The following OSBPL5 variants were observed in gnomAD, a reference collection of about 807,000 sequenced individuals.
OSBPL5 encodes the protein oxysterol-binding protein-related protein 5.
OSBPL5 carries 71 observed loss-of-function variants against 111.2 expected under a neutral mutation model. The ratio of observed to expected loss-of-function variants is 0.64; its 90% confidence interval spans 0.53 to 0.78. The LOEUF is 0.78. Among genes scored for constraint, OSBPL5 ranks in the 30% least tolerant of loss-of-function variants. The probability of loss-of-function intolerance (pLI) is 0.00; values close to 1 mark genes in which losing one functional copy is unlikely to be tolerated. For synonymous variants in OSBPL5, 549 were observed against 513.9 expected, an observed-to-expected ratio of 1.07 and a Z score of -0.93; for missense variants, 1,210 against 1,189.3, an observed-to-expected ratio of 1.02 and a Z score of -0.26.
Position 3,113,216 on chromosome 11 carries a change from G to A in OSBPL5, c.692-5271C>T, listed in dbSNP as rs1858068586. Among the ~76,000 whole-genome samples the A allele has an allele frequency of 6.6e-6, 1 of 152,162 alleles. No individual in the cohort carries two copies. The highest frequency in any genetic ancestry group is 1.5e-5 in the Non-Finnish European group (1 of 68,022). On this transcript the variant is annotated intron_variant, in intron 7 of 21. Transcript: ENST00000263650. This position sits in a 1 kb window ranked among gnomAD's most constrained non-coding sequence, Gnocchi z 4.8. ...AGCTAGCTTTAAAATTATTGGTAAAGTAATATTAGAAATGTCTTAAGAATT... is the reference window on the plus strand; with the variant it reads ...AGCTAGCTTTAAAATTATTGGTAAAATAATATTAGAAATGTCTTAAGAATT...
At chr11:3,094,454 G>GTCCCGACCCAGCAGCACC (rs1857181498) in intron 14 of OSBPL5, 120 bp from the exon 15 acceptor site, 1 of 717,410 alleles carries the variant, frequency 1.4e-6, no homozygotes, top group African/African-American at 2.3e-5. Flanking sequence ...CCGATCCCTG[G>GTCCCGACCCAGCAGCACC]GAGGCCTGTG....
At position 3,087,378 on chromosome 11, in the gene OSBPL5, C is replaced by T. The variant is rs1468764604; in HGVS notation, c.*827G>A. 6.5e-6 allele frequency: 1 copy of T among 154,744 alleles called. No homozygotes were observed. The highest frequency in any genetic ancestry group is 1.9e-4 in the East Asian group (1 of 5,184). 9.6% of individuals were successfully genotyped at this position (154,744 alleles called of 1,614,324 possible). A position where few individuals can be genotyped will look rare whatever the true frequency, so the allele number is the denominator to read the frequency against. On this transcript the variant is annotated 3_prime_UTR_variant, in exon 22 of 22. Transcript: ENST00000263650. ...GTGAAGGCTGACTGCAGCTCGCAGC[C>T]CACCTAAAATATTGCAATTATGTTT...
intron 19 of OSBPL5, among the ~76,000 whole-genome samples, chr11:3,091,574 T>C (rs1220585841): frequency 6.6e-6 from 1 of 151,576 alleles, no homozygotes; most frequent in Non-Finnish European, 1.5e-5. Context: ...GGAGCGGGAC[T>C]GCGAGGGTCT....
chr11:3,131,342 C>G (rs1564849503), intron 1 of OSBPL5, among the ~76,000 whole-genome samples: 1 of 149,516 alleles, frequency 6.7e-6, no homozygotes, highest in Non-Finnish European at 1.5e-5. Flanking sequence ...ATCTCCCTTC[C>G]AGGCATCCAT....
rs546384821 is a variant in OSBPL5, at chr11:3,162,857, T to A, written c.-22+2359A>T. ...GAGGACATCCAGGGCAGCATGCCTG[T>A]CCCTGTCGGGAGGCCAGTGGCCCTC... is the stretch of plus-strand genomic sequence containing the variant. On this transcript the variant is annotated intron_variant, in intron 1 of 21. Transcript: ENST00000263650. The surrounding 1 kb of genome is among the most constrained non-coding windows in gnomAD (Gnocchi z 8.1). Among the ~76,000 whole-genome samples the A allele has an allele frequency of 1.4e-4, 21 of 152,272 alleles. 2 individuals carry two copies. The South Asian group carries it at 2.5e-3, about 18-fold the overall frequency.
intron 7 of OSBPL5, among the ~76,000 whole-genome samples, chr11:3,114,830 T>C (rs977192179): frequency 6.6e-5 from 10 of 152,044 alleles, no homozygotes; most frequent in Non-Finnish European, 1.3e-4. Flanking sequence ...CTTGATCTCC[T>C]GACTTCGTGA....
Position 3,089,936 on chromosome 11 carries a change from G to T in OSBPL5, c.2411C>A (p.Pro804Gln), listed in dbSNP as rs770136127. 7 of 1,554,552 alleles carry T rather than the reference G, an allele frequency of 4.5e-6. No individual in the cohort carries two copies. The highest frequency in any genetic ancestry group is 2.4e-5 in the East Asian group (1 of 41,954). ...CGCCTCCTTCCTGCACCGAGGGCAT[G>T]GGCTCTCACCGCCTGGGACGGCCCC... ...DGDFVPGGES[P>Q]CPRCRKEARR... The change falls in exon 21 of 22, where the codon CCA becomes CAA. Residue 804 changes from proline to glutamine, a missense_variant. Pro to Gln is a moderately conservative substitution (Grantham distance 76). Transcript: ENST00000263650.
chr11:3,088,735 T>C (rs1856958163), intron 21 of OSBPL5, among the ~76,000 whole-genome samples: 1 of 152,128 alleles, frequency 6.6e-6, no homozygotes. Flanking sequence ...GGTATTTATT[T>C]AAATGGAGAC....
At position 3,093,631 on chromosome 11, in the gene OSBPL5, G is replaced by A. The variant is rs752302699; in HGVS notation, c.1842C>T (p.Ser614=). Reference sequence around the variant, plus strand: ...GGGTCCAGAAAAGCGCACTGCTTCCGCTCCCTTCCTCCTTGATAAACACGT... The same window carrying A: ...GGGTCCAGAAAAGCGCACTGCTTCCACTCCCTTCCTCCTTGATAAACACGT... ...DRDVFIKEEG[S]GSSALFWTPS... is the part of the protein sequence containing the mutation. The change falls in exon 17 of 22, where the codon AGC becomes AGT. Residue 614 remains serine (S), a synonymous_variant. Coordinates refer to ENST00000263650, the MANE Select transcript of OSBPL5 (RefSeq NM_020896.4). The A allele has an allele frequency of 1.4e-5, 23 of 1,612,962 alleles. No individual in the cohort carries two copies. The highest frequency in any genetic ancestry group is 2.7e-5 in the African/African-American group (2 of 74,944).
At chr11:3,159,204 A>T (rs1272623998) in intron 1 of OSBPL5, among the ~76,000 whole-genome samples, 1 of 152,016 alleles carries the variant, frequency 6.6e-6, no homozygotes, top group African/African-American at 2.4e-5. Flanking sequence ...TGCCCAGGAG[A>T]CAGGTATGTT....
intron 1 of OSBPL5, among the ~76,000 whole-genome samples, chr11:3,143,561 G>A (rs4758470): frequency 0.81 from 123,783 of 152,212 alleles, 50,789 homozygotes; most frequent in African/African-American, 0.89. Context: ...GCGACGACAC[G>A]GATGAGCCGC....
In OSBPL5 at chr11:3,105,648, C is replaced by T. The variant is rs1251777168; in HGVS notation, c.1060-1271G>A. 2.6e-5 allele frequency among the ~76,000 whole-genome samples: 4 copies of T among 152,112 alleles called. No homozygotes were observed. Among genetic ancestry groups the T allele is most frequent in the African/African-American group, 4.8e-5 (2 of 41,430 alleles). ...CTGCTTCTCATCCTGCCCCACCTCT[C>T]GGACCAGCTGGCTCTGAGACACCTG... On this transcript the variant is annotated intron_variant, in intron 9 of 21. Transcript: ENST00000263650. The surrounding 1 kb of genome is among the most constrained non-coding windows in gnomAD (Gnocchi z 5.2).
At chr11:3,148,670 G>T (rs1002649722) in intron 1 of OSBPL5, among the ~76,000 whole-genome samples, 5 of 152,154 alleles carry the variant, frequency 3.3e-5, no homozygotes, top group African/African-American at 1.2e-4. Context: ...TTCTCTTGAA[G>T]GCACAAACTG....
chr11:3,114,081 AATAAG>A (rs1374960462), intron 7 of OSBPL5, among the ~76,000 whole-genome samples: 1 of 152,224 alleles, frequency 6.6e-6, no homozygotes, highest in Non-Finnish European at 1.5e-5. Context: ...AGTTAGATTA[AATAAG>A]ATATTTCACT....
At chr11:3,131,701 T>TCCATCCATCCCTCCTC (rs1845793024) in intron 1 of OSBPL5, among the ~76,000 whole-genome samples, 1 of 113,270 alleles carries the variant, frequency 8.8e-6, no homozygotes, top group African/African-American at 3.8e-5. Flanking sequence ...CATTCATCTA[T>TCCATCCATCCCTCCTC]CCATCCATCC....
At chr11:3,119,985 T>C in intron 6 of OSBPL5, 2 of 418,332 alleles carry the variant, frequency 4.8e-6, no homozygotes, top group Non-Finnish European at 8.6e-6. Flanking sequence ...TTCCCATACA[T>C]GACTGGGGTC....
chr11:3,122,484 G>T, intron 3 of OSBPL5, 56 bp from the exon 4 acceptor site: 1 of 1,555,394 alleles, frequency 6.4e-7, no homozygotes, highest in Non-Finnish European at 8.8e-7. Flanking sequence ...CCAGGGCTAG[G>T]AGCCCAGGTT....
chr11:3,127,111 C>T (rs1377133890), intron 2 of OSBPL5, among the ~76,000 whole-genome samples: 2 of 152,200 alleles, frequency 1.3e-5, no homozygotes, highest in African/African-American at 4.8e-5. Flanking sequence ...GGCCTCCCCT[C>T]CCCCGGCTCT....
intron 7 of OSBPL5, among the ~76,000 whole-genome samples, chr11:3,119,319 G>C (rs145889327): frequency 4.0e-4 from 61 of 152,324 alleles, no homozygotes; most frequent in African/African-American, 1.5e-3. Flanking sequence ...CCTTTGACAG[G>C]TGGTATTTTA....
Sources: allele counts gnomAD v4.1 joint callset (sites outside exome capture counted in the v4.1 genomes callset), GRCh38; gene constraint gnomAD v4.1.1; non-coding constraint Gnocchi (gnomAD v3.1); transcripts MANE v1.5; gene names NCBI Gene and HGNC (gene_info 2026-07-23, HGNC 2026-07-21).